Variants in TRDMT1 observed in about 807,000 individuals in gnomAD.
TRDMT1 encodes the protein tRNA aspartic acid methyltransferase 1.
Under a neutral mutation model 51.2 loss-of-function variants are expected in TRDMT1, and 49 were observed. The ratio of observed to expected loss-of-function variants is 0.96; its 90% CI spans 0.76 to 1.21. The LOEUF (loss-of-function observed/expected upper bound fraction) is 1.21. Among genes scored for constraint, TRDMT1 ranks in the 50% most tolerant of loss-of-function variants. TRDMT1 has a pLI of 0.00. For missense variants in TRDMT1, 534 were observed against 462.3 expected, an observed-to-expected ratio of 1.16 and a Z score of -1.42; for synonymous variants, 187 against 164.6, an observed-to-expected ratio of 1.14 and a Z score of -1.04.
intron 1 of TRDMT1, chr10:17,201,369 C>A: frequency 1.9e-6 from 1 of 525,540 alleles, no homozygotes; most frequent in South Asian, 2.8e-5. Flanking sequence ...CCAGACTCGG[C>A]GCCAGGAGAA....
rs1840360476 is a variant in TRDMT1 at position 17,161,556 on chromosome 10, A to T, written c.324-8T>A. ...TTTGGTAATTTTTGTAATCTATAAA[A>T]AAATAAACAAATGGAATTCTAAATA... On this transcript the variant is annotated splice_region_variant and splice_polypyrimidine_tract_variant and intron_variant, in intron 4 of 10. Coordinates refer to ENST00000377799, the MANE Select transcript of TRDMT1 (RefSeq NM_004412.7). 1.6e-6 allele frequency: 2 copies of T among 1,235,456 alleles called. No homozygotes were observed. The highest frequency in any genetic ancestry group is 3.1e-5 in the African/African-American group (2 of 65,328). The allele number at this position is 1,235,456 out of a possible 1,614,324, so 76.5% of individuals were successfully genotyped here.
At chr10:17,191,180 T>A (rs1040852363) in intron 1 of TRDMT1, among the ~76,000 whole-genome samples, 2 of 152,112 alleles carry the variant, frequency 1.3e-5, no homozygotes, top group African/African-American at 2.4e-5. Flanking sequence ...ACAGGAGATG[T>A]GGCCCCAGAG....
At chr10:17,181,242 T>C (rs1843247253) in intron 1 of TRDMT1, among the ~76,000 whole-genome samples, 1 of 152,118 alleles carries the variant, frequency 6.6e-6, no homozygotes. Context: ...CTCTGGCCTT[T>C]CCACTGGAGG....
At chr10:17,182,027 C>T (rs1275926290) in intron 1 of TRDMT1, among the ~76,000 whole-genome samples, 1 of 152,154 alleles carries the variant, frequency 6.6e-6, no homozygotes, top group Non-Finnish European at 1.5e-5. Context: ...ACTAGCCAGA[C>T]CGGTTTCAGG....
chr10:17,201,306 C>A (rs1846126317), intron 1 of TRDMT1: 2 of 463,864 alleles, frequency 4.3e-6, no homozygotes, highest in South Asian at 3.1e-5. Context: ...TACTGCCTTG[C>A]GAATCCCGAC....
Position 17,145,671 on chromosome 10 carries a change from T to C in TRDMT1, c.*3369A>G. Reference sequence around the variant, plus strand: ...AAACCCACTTTAATCTCTTTGTCTATGTGGGATTAAAATTTGGTCCTTATT... The same window carrying C: ...AAACCCACTTTAATCTCTTTGTCTACGTGGGATTAAAATTTGGTCCTTATT... On this transcript the variant is annotated 3_prime_UTR_variant, in exon 11 of 11. Transcript: ENST00000377799. The C allele has an allele frequency of 1.0e-6, 1 of 985,472 alleles. No individual in the cohort carries two copies. The allele number at this position is 985,472 out of a possible 1,614,324, so 61.0% of individuals were successfully genotyped here.
intron 8 of TRDMT1, among the ~76,000 whole-genome samples, chr10:17,157,143 A>G (rs1197231939): frequency 2.6e-5 from 4 of 152,206 alleles, no homozygotes; most frequent in African/African-American, 9.7e-5. Context: ...AGAATTAGCA[A>G]GTAATAGTCT....
intron 7 of TRDMT1, among the ~76,000 whole-genome samples, chr10:17,158,209 A>G (rs897158136): frequency 9.2e-5 from 14 of 152,178 alleles, no homozygotes; most frequent in African/African-American, 3.1e-4. Context: ...ATCTAAAGGA[A>G]AACTAGCAAT....
chr10:17,163,973 A>T (rs1285484791), intron 3 of TRDMT1, among the ~76,000 whole-genome samples: 1 of 152,210 alleles, frequency 6.6e-6, no homozygotes, highest in Non-Finnish European at 1.5e-5. Flanking sequence ...TTCTGAAACT[A>T]TTCCAATCAA....
At chr10:17,195,737 A>G (rs1845318118) in intron 1 of TRDMT1, among the ~76,000 whole-genome samples, 2 of 152,218 alleles carry the variant, frequency 1.3e-5, no homozygotes, top group African/African-American at 4.8e-5. Flanking sequence ...TGAATACTCA[A>G]AATTCATCTT....
chr10:17,147,307 ATGGGCTGGCTTACAGC>A lies in TRDMT1; in HGVS notation c.*1717_*1732del. 1.0e-6 allele frequency: 1 copy of A among 985,580 alleles called. No individual in the cohort carries two copies. The highest frequency in any genetic ancestry group is 1.2e-6 in the Non-Finnish European group (1 of 829,878). 61.1% of individuals were successfully genotyped at this position (985,580 alleles called of 1,614,324 possible). A position where few individuals can be genotyped will look rare whatever the true frequency, so the allele number is the denominator to read the frequency against. ...ATGTAGATAGTGATAGTTTCTGTAT[ATGGGCTGGCTTACAGC>A]TTCCCTACATTCATATTTATCTATG... On this transcript the variant is annotated 3_prime_UTR_variant, in exon 11 of 11. Coordinates refer to ENST00000377799, the MANE Select transcript of TRDMT1 (RefSeq NM_004412.7).
intron 3 of TRDMT1, among the ~76,000 whole-genome samples, chr10:17,163,673 G>T (rs1456121530): frequency 3.9e-5 from 6 of 152,068 alleles, no homozygotes; most frequent in Non-Finnish European, 7.4e-5. Flanking sequence ...AATAAAAAAT[G>T]ATAAAGGGGA....
At chr10:17,174,732 G>T in intron 1 of TRDMT1, 72 bp from the exon 2 acceptor site, 1 of 1,126,196 alleles carries the variant, frequency 8.9e-7, no homozygotes, top group Non-Finnish European at 1.3e-6. Context: ...CAAAATAGCA[G>T]AATTTAGTAA....
intron 1 of TRDMT1, among the ~76,000 whole-genome samples, chr10:17,195,638 T>C (rs1183622061): frequency 6.6e-6 from 1 of 151,884 alleles, no homozygotes; most frequent in Non-Finnish European, 1.5e-5. Context: ...CCCCAAAAAA[T>C]ACTTTGCAGT....
intron 2 of TRDMT1, among the ~76,000 whole-genome samples, chr10:17,170,598 G>T (rs892850042): frequency 1.3e-5 from 2 of 152,060 alleles, no homozygotes; most frequent in African/African-American, 4.8e-5. Flanking sequence ...GGAAGAACTT[G>T]GTAGATTAGA....
In TRDMT1 at chr10:17,142,232, A is replaced by C. The variant is rs186377072; in HGVS notation, c.*6808T>G. The C allele has an allele frequency of 1.9e-3, 293 of 152,308 alleles. No individual in the cohort carries two copies. Among genetic ancestry groups the C allele is most frequent in the African/African-American group, 6.6e-3 (273 of 41,560 alleles). The allele number at this position is 152,308 out of a possible 1,614,324, so 9.4% of individuals were successfully genotyped here. A position where few individuals can be genotyped will look rare whatever the true frequency, so the allele number is the denominator to read the frequency against. On this transcript the variant is annotated 3_prime_UTR_variant, in exon 11 of 11. Transcript: ENST00000377799. The stretch of plus-strand genomic sequence containing the variant: ...GGTATGACAGGCTATTTTACATCGT[A>C]TCCTGAACCTTTTGTCTATTATTTT...
chr10:17,159,931 T>C (rs79411196), intron 6 of TRDMT1, among the ~76,000 whole-genome samples: 129 of 152,302 alleles, frequency 8.5e-4, no homozygotes, highest in African/African-American at 3.0e-3. Flanking sequence ...AACTAGAAAG[T>C]TACTACATGT....
chr10:17,168,020 G>C (rs1266428373), intron 3 of TRDMT1, among the ~76,000 whole-genome samples: 1 of 152,038 alleles, frequency 6.6e-6, no homozygotes, highest in African/African-American at 2.4e-5. Context: ...AATATGAATG[G>C]AGGCTGGGCA....
chr10:17,198,608 A>G (rs930070620), intron 1 of TRDMT1, among the ~76,000 whole-genome samples: 11 of 152,234 alleles, frequency 7.2e-5, no homozygotes, highest in Non-Finnish European at 1.0e-4. Flanking sequence ...AAGTTCATAA[A>G]GACAAAGCAG....
Sources: gnomAD v4.1 joint callset for allele counts (sites outside exome capture counted in the v4.1 genomes callset) on GRCh38, gnomAD v4.1.1 for gene constraint, MANE v1.5 for transcripts, NCBI Gene and HGNC (gene_info 2026-07-23, HGNC 2026-07-21) for gene names.